Variants in P3H1 observed in about 807,000 individuals in gnomAD.
P3H1 encodes prolyl 3-hydroxylase 1.
In P3H1, 69 loss-of-function variants were observed where a neutral mutation model predicts 84.0. That is an observed-to-expected ratio of 0.82 (90% CI 0.68 to 1.00). The LOEUF (loss-of-function observed/expected upper bound fraction) is 1.00. Among genes scored for constraint, P3H1 ranks in the 50% least tolerant of loss-of-function variants. The pLI is 0.00. For missense variants in P3H1, 878 were observed against 962.8 expected, an observed-to-expected ratio of 0.91 and a Z score of 1.17; for synonymous variants, 366 against 388.8, an observed-to-expected ratio of 0.94 and a Z score of 0.69.
chr1:42,747,255 G>C lies in P3H1; in HGVS notation c.2055+17C>G. On this transcript the variant is annotated intron_variant, in intron 14 of 14. Coordinates refer to ENST00000296388, the MANE Select transcript of P3H1 (RefSeq NM_022356.4). Reference sequence around the variant, plus strand: ...ACCACAGCACCAGCTGCTCTCACCCGCTCGAGCTGCTCTCACCCGCTCGCT... The same window carrying C: ...ACCACAGCACCAGCTGCTCTCACCCCCTCGAGCTGCTCTCACCCGCTCGCT... 1.2e-6 allele frequency: 2 copies of C among 1,613,446 alleles called. No individual in the cohort carries two copies. The highest frequency in any genetic ancestry group is 1.7e-6 in the Non-Finnish European group (2 of 1,179,552).
At position 42,763,000 on chromosome 1, in the gene P3H1, G is replaced by A. The variant is rs141874752; in HGVS notation, c.466-525C>T. On this transcript the variant is annotated intron_variant, in intron 1 of 14. Coordinates refer to ENST00000296388, the MANE Select transcript of P3H1 (RefSeq NM_022356.4). ...ACTCTGCAGGCTGAGGTGGGAGGACGCTTGGGCCTGGGAAGCAGAGGTTGC... is the reference window on the plus strand; with the variant it reads ...ACTCTGCAGGCTGAGGTGGGAGGACACTTGGGCCTGGGAAGCAGAGGTTGC... 6.8e-3 allele frequency among the ~76,000 whole-genome samples: 1,031 copies of A among 152,000 alleles called. 11 individuals carry two copies. The highest frequency in any genetic ancestry group is 9.3e-3 in the Non-Finnish European group (629 of 67,968).
chr1:42,764,162 C>T (rs554545854), intron 1 of P3H1, among the ~76,000 whole-genome samples: 130 of 151,850 alleles, frequency 8.6e-4, no homozygotes, highest in Admixed American at 5.0e-3. Flanking sequence ...CGGTGGCTCA[C>T]GCCTGTAATC....
At chr1:42,764,062 G>A (rs1481223782) in intron 1 of P3H1, among the ~76,000 whole-genome samples, 2 of 150,334 alleles carry the variant, frequency 1.3e-5, no homozygotes, top group South Asian at 2.1e-4. Context: ...CCCAGGAGGC[G>A]GAGGTTGCAG....
Position 42,759,327 on chromosome 1 carries a change from G to C in P3H1, c.682C>G (p.Leu228Val). 6.2e-7 allele frequency: 1 copy of C among 1,614,178 alleles called. No homozygotes were observed. Among genetic ancestry groups the C allele is most frequent in the South Asian group, 1.1e-5 (1 of 91,086 alleles). The change falls in exon 3 of 15, where the codon CTA becomes GTA. Residue 228 changes from leucine to valine, a missense_variant. Coordinates refer to ENST00000296388, the MANE Select transcript of P3H1 (RefSeq NM_022356.4). ...EEQPQEAVPHLEAALQEYFVA... is the reference protein window; with the variant it reads ...EEQPQEAVPHVEAALQEYFVA... ...AAGTATTCTTGCAGCGCCGCCTCTA[G>C]GTGGGGCACAGCTTCCTGTGGCTGT...
chr1:42,762,368 TC>T lies in P3H1; in HGVS notation c.572del (p.Gly191GlufsTer2), dbSNP rs1652768821. On this transcript the variant is annotated frameshift_variant, in exon 2 of 15. Coordinates refer to ENST00000296388, the MANE Select transcript of P3H1 (RefSeq NM_022356.4). LOFTEE classifies it high-confidence loss of function. ...GATCCTTGAAGTCGGCCTCCTTCAC[TC>T]CAGACATGGTTTGGTAATAGTCTAG... ...QNLDYYQTMSGVKEADFKDLE... is the reference protein window; with the variant it reads ...QNLDYYQTMSXVKEADFKDLE... The T allele has an allele frequency of 1.9e-6, 3 of 1,614,050 alleles. No homozygotes were observed. The South Asian group carries it at 3.3e-5, about 18-fold the overall frequency.
intron 1 of P3H1, among the ~76,000 whole-genome samples, chr1:42,764,117 C>T (rs145675541): frequency 0.014 from 2,136 of 151,822 alleles, 61 homozygotes; most frequent in South Asian, 0.11. Flanking sequence ...GCAACAAGAG[C>T]GAAACTCCGT....
chr1:42,757,692 G>A (rs529995575), intron 5 of P3H1, 91 bp downstream of exon 5: 29 of 1,591,558 alleles, frequency 1.8e-5, no homozygotes, highest in South Asian at 8.9e-5. Context: ...TGCCCTGCAC[G>A]CACAGCGCCT....
intron 3 of P3H1, 35 bp from the exon 4 acceptor site, chr1:42,759,018 G>A (rs1652556351): frequency 1.2e-6 from 2 of 1,613,466 alleles, no homozygotes; most frequent in Non-Finnish European, 1.7e-6. Context: ...TAACTATGAG[G>A]TCACTCTTTA....
chr1:42,762,194 C>T, intron 2 of P3H1, 129 bp downstream of exon 2: 3 of 917,512 alleles, frequency 3.3e-6, no homozygotes, highest in African/African-American at 1.6e-5. Context: ...TCTCTTGAGT[C>T]CGGGAATTTG....
intron 2 of P3H1, 40 bp from the exon 3 acceptor site, chr1:42,759,430 G>A (rs757082407): frequency 6.3e-7 from 1 of 1,588,576 alleles, no homozygotes; most frequent in South Asian, 1.1e-5. Flanking sequence ...GGCCACAGAG[G>A]AGGAACCCTC....
intron 1 of P3H1, among the ~76,000 whole-genome samples, chr1:42,762,850 T>TA (rs1192636205): frequency 2.0e-5 from 3 of 152,122 alleles, no homozygotes; most frequent in African/African-American, 7.2e-5. Flanking sequence ...CCAGCATTTT[T>TA]AGAGGCCGAG....
At chr1:42,766,020 CCCA>C (rs372776805) in intron 1 of P3H1, among the ~76,000 whole-genome samples, 10 of 148,072 alleles carry the variant, frequency 6.8e-5, no homozygotes, top group African/African-American at 2.3e-4. Context: ...CCCCCCCGCC[CCCA>C]CACACACACA....
rs1652501663 is a variant in P3H1 at position 42,758,088 on chromosome 1, G to T, written c.941-166C>A. 4 of 737,372 alleles carry T rather than the reference G, an allele frequency of 5.4e-6. No homozygotes were observed. In the African/African-American group the frequency reaches 6.9e-5, roughly 13 times the overall value. The allele number at this position is 737,372 out of a possible 1,614,324, so 45.7% of individuals were successfully genotyped here. A position where few individuals can be genotyped will look rare whatever the true frequency, so the allele number is the denominator to read the frequency against. ...CATGATGGCCTGATTTCAGGGGCAG[G>T]AGTTAAGTAATACACATAGAATGTG... On this transcript the variant is annotated intron_variant, in intron 4 of 14. Coordinates refer to ENST00000296388, the MANE Select transcript of P3H1 (RefSeq NM_022356.4).
intron 5 of P3H1, among the ~76,000 whole-genome samples, chr1:42,756,745 C>A (rs1652424689): frequency 1.3e-5 from 2 of 152,322 alleles, no homozygotes; most frequent in South Asian, 4.1e-4. Flanking sequence ...TGAGTGTCAG[C>A]CATGTGTCTG....
At chr1:42,758,714 A>G in intron 4 of P3H1, 138 bp downstream of exon 4, 1 of 1,039,514 alleles carries the variant, frequency 9.6e-7, no homozygotes, top group Non-Finnish European at 1.5e-6. Flanking sequence ...CTACCCAGGG[A>G]TCACTTGGCA....
At position 42,755,185 on chromosome 1, in the gene P3H1, C is replaced by T. The variant is rs760006113; in HGVS notation, c.1203G>A (p.Lys401=). 1 of 1,614,178 alleles carries T rather than the reference C, an allele frequency of 6.2e-7. No homozygotes were observed. The highest frequency in any genetic ancestry group is 1.3e-5 in the African/African-American group (1 of 75,048). The stretch of plus-strand genomic sequence containing the variant: ...CTCACTTCTGTTTCTCTTGCAATCT[C>T]TTGGGAATCACTTCTTCTGGAGTCC... ...DSWTPEEVIP[K]RLQEKQKSER... is the part of the protein sequence containing the mutation. Residue 401 remains lysine, a synonymous_variant, in exon 7 of 15, where the codon AAG becomes AAA. Coordinates refer to ENST00000296388, the MANE Select transcript of P3H1 (RefSeq NM_022356.4).
intron 2 of P3H1, 102 bp downstream of exon 2, chr1:42,762,221 T>C: frequency 8.3e-7 from 1 of 1,203,332 alleles, no homozygotes; most frequent in Non-Finnish European, 1.2e-6. Context: ...CAGTGAGCTA[T>C]GATCAAGCCA....
intron 13 of P3H1, 125 bp from the exon 14 acceptor site, chr1:42,747,537 A>G: frequency 8.9e-7 from 1 of 1,122,282 alleles, no homozygotes; most frequent in East Asian, 2.4e-5. Flanking sequence ...CCCTAAGACC[A>G]GAACTAAAGA....
At chr1:42,766,015 C>A (rs1652970841) in intron 1 of P3H1, among the ~76,000 whole-genome samples, 3 of 81,798 alleles carry the variant, frequency 3.7e-5, no homozygotes, top group South Asian at 1.1e-3. Context: ...GGTCCCCCCC[C>A]CGCCCCCACA....
Sources: allele counts gnomAD v4.1 joint callset (sites outside exome capture counted in the v4.1 genomes callset), GRCh38; gene constraint gnomAD v4.1.1; transcripts MANE v1.5; gene names NCBI Gene and HGNC (gene_info 2026-07-23, HGNC 2026-07-21).